Variants in TRAF5 observed in about 807,000 individuals in gnomAD.
TRAF5 encodes TNF receptor associated factor 5.
A neutral mutation model predicts 64.5 loss-of-function variants in TRAF5; 48 were observed. That is an observed-to-expected ratio of 0.74 (90% confidence interval 0.59 to 0.95). The LOEUF is 0.95. TRAF5 is among the 40% of genes least tolerant of loss of function. The pLI, the probability that TRAF5 is intolerant of heterozygous loss-of-function variation, is 0.00. For missense variants in TRAF5, 545 were observed against 662.8 expected (o/e 0.82, Z 1.95); for synonymous variants, 206 against 240.5 (o/e 0.86, Z 1.33).
At chr1:211,350,649 C>CA (rs1333902719) in intron 1 of TRAF5, among the ~76,000 whole-genome samples, 1 of 152,174 alleles carries the variant, frequency 6.6e-6, no homozygotes, top group African/African-American at 2.4e-5. Flanking sequence ...TTAATGAACT[C>CA]ATATTTAGTT....
intron 1 of TRAF5, among the ~76,000 whole-genome samples, chr1:211,344,660 A>G (rs1201656897): frequency 6.6e-6 from 1 of 152,238 alleles, no homozygotes; most frequent in African/African-American, 2.4e-5. Flanking sequence ...CATCACAGAC[A>G]GAAGCTTTGG....
At chr1:211,343,648 T>G (rs1702507964) in intron 1 of TRAF5, among the ~76,000 whole-genome samples, 1 of 152,164 alleles carries the variant, frequency 6.6e-6, no homozygotes, top group Admixed American at 6.5e-5. Flanking sequence ...ATAGCCTCAG[T>G]ACTTGTAATC....
chr1:211,330,996 A>G (rs1319356230), intron 1 of TRAF5, among the ~76,000 whole-genome samples: 8 of 152,200 alleles, frequency 5.3e-5, no homozygotes, highest in Admixed American at 2.0e-4. Flanking sequence ...AATATTCAGA[A>G]TCTTCACCAT....
chr1:211,363,032 CTAAA>C lies in TRAF5; in HGVS notation c.696+1877_696+1880del, dbSNP rs1474779421. On this transcript the variant is annotated intron_variant, in intron 7 of 10. Transcript: ENST00000261464. ...TAAGAAAAGATGCTCAGTTTCACTC[CTAAA>C]TAAATATACATTATAACAAGAAATA... 2.6e-4 allele frequency among the ~76,000 whole-genome samples: 39 copies of C among 152,214 alleles called. 1 individual carries two copies. The highest frequency in any genetic ancestry group is 8.9e-4 in the African/African-American group (37 of 41,538).
At chr1:211,330,162 A>G (rs965961451) in intron 1 of TRAF5, among the ~76,000 whole-genome samples, 2 of 152,178 alleles carry the variant, frequency 1.3e-5, no homozygotes, top group African/African-American at 2.4e-5. Flanking sequence ...CAAAAGCAGT[A>G]TACATGCAAA....
intron 7 of TRAF5, among the ~76,000 whole-genome samples, chr1:211,364,987 A>G (rs59683092): frequency 0.03 from 4,525 of 152,154 alleles, 216 homozygotes; most frequent in African/African-American, 0.1. Context: ...AGCCTGGCCA[A>G]CATGGTGAAA....
intron 1 of TRAF5, among the ~76,000 whole-genome samples, chr1:211,339,898 A>G (rs989312290): frequency 6.6e-6 from 1 of 152,222 alleles, no homozygotes; most frequent in African/African-American, 2.4e-5. Flanking sequence ...AGCTGGCAGT[A>G]TGTCACACAT....
intron 8 of TRAF5, 25 bp from the exon 9 acceptor site, chr1:211,369,426 AT>A (rs758786461): frequency 6.4e-7 from 1 of 1,561,854 alleles, no homozygotes; most frequent in Admixed American, 2.1e-5. Context: ...CAGTGACTTT[AT>A]TTTTCCTCAC....
intron 1 of TRAF5, among the ~76,000 whole-genome samples, chr1:211,335,415 T>C (rs1395517616): frequency 6.6e-6 from 1 of 152,206 alleles, no homozygotes; most frequent in African/African-American, 2.4e-5. Context: ...GTTAATTGAC[T>C]CAGATATTTG....
chr1:211,331,625 A>G (rs984297226), intron 1 of TRAF5, among the ~76,000 whole-genome samples: 1 of 152,016 alleles, frequency 6.6e-6, no homozygotes, highest in Non-Finnish European at 1.5e-5. Context: ...TCAAATTTAA[A>G]TTAAAAACCA....
At chr1:211,354,272 CT>C (rs1469136391) in intron 2 of TRAF5, 137 bp from the exon 3 acceptor site, 1 of 705,566 alleles carries the variant, frequency 1.4e-6, no homozygotes, top group Non-Finnish European at 2.4e-6. Flanking sequence ...GAGGCCCCTT[CT>C]GGGTAGAGGG....
chr1:211,359,460 T>G (rs1703101241), intron 4 of TRAF5: 1 of 153,116 alleles, frequency 6.5e-6, no homozygotes, highest in Non-Finnish European at 1.5e-5. Context: ...CTTTTTTCCT[T>G]TTCCTGTGTC....
intron 1 of TRAF5, among the ~76,000 whole-genome samples, chr1:211,350,063 A>T (rs1702735046): frequency 6.6e-6 from 1 of 152,104 alleles, no homozygotes; most frequent in Admixed American, 6.6e-5. Flanking sequence ...CATCTTCAGA[A>T]TTAAAACTTT....
intron 7 of TRAF5, among the ~76,000 whole-genome samples, chr1:211,364,111 T>C (rs1232894478): frequency 6.6e-6 from 1 of 152,070 alleles, no homozygotes; most frequent in Non-Finnish European, 1.5e-5. Context: ...GAATGAAAAT[T>C]GATGATAAAT....
At chr1:211,347,833 G>A (rs1407372730) in intron 1 of TRAF5, among the ~76,000 whole-genome samples, 1 of 152,260 alleles carries the variant, frequency 6.6e-6, no homozygotes, top group Non-Finnish European at 1.5e-5. Context: ...CTTCAGGTGA[G>A]TTCAGGTAAG....
Position 211,369,435 on chromosome 1 carries a change from C to T in TRAF5, c.790-17C>T, listed in dbSNP as rs569628956. Reference sequence around the variant, plus strand: ...TATATTCAGTGACTTTATTTTTCCTCACGTTCCTGTTATTAGATTTCTGAC... The same window carrying T: ...TATATTCAGTGACTTTATTTTTCCTTACGTTCCTGTTATTAGATTTCTGAC... On this transcript the variant is annotated splice_polypyrimidine_tract_variant and intron_variant, in intron 8 of 10. Transcript: ENST00000261464. The T allele has an allele frequency of 3.5e-5, 55 of 1,564,988 alleles. No homozygotes were observed. Among genetic ancestry groups the T allele is most frequent in the Non-Finnish European group, 4.6e-5 (54 of 1,162,844 alleles).
chr1:211,327,963 C>T (rs1702066096), intron 1 of TRAF5, among the ~76,000 whole-genome samples: 1 of 152,188 alleles, frequency 6.6e-6, no homozygotes, highest in Admixed American at 6.5e-5. Context: ...GGGCTGGGGC[C>T]AGTGGAATAT....
intron 1 of TRAF5, among the ~76,000 whole-genome samples, chr1:211,334,480 A>G (rs1468136812): frequency 1.3e-5 from 2 of 152,160 alleles, no homozygotes; most frequent in Non-Finnish European, 2.9e-5. Flanking sequence ...AACACGGTGA[A>G]ACTCCGTCTT....
intron 1 of TRAF5, among the ~76,000 whole-genome samples, chr1:211,346,606 T>C (rs544076880): frequency 1.1e-4 from 17 of 152,370 alleles, no homozygotes; most frequent in African/African-American, 3.6e-4. Context: ...TTTCAAATCT[T>C]CATTAATCCA....
Sources: gnomAD v4.1 joint callset for allele counts (sites outside exome capture counted in the v4.1 genomes callset) on GRCh38, gnomAD v4.1.1 for gene constraint, MANE v1.5 for transcripts, NCBI Gene and HGNC (gene_info 2026-07-23, HGNC 2026-07-21) for gene names.